The following ALPK2 variants were observed in gnomAD, a reference collection of about 807,000 sequenced individuals.
ALPK2 encodes the protein alpha kinase 2, also known as alpha-protein kinase 2.
In ALPK2, 127 loss-of-function variants were observed where a neutral mutation model predicts 163.1. The ratio of observed to expected loss-of-function variants is 0.78; its 90% CI spans 0.67 to 0.90. The LOEUF (loss-of-function observed/expected upper bound fraction) is 0.90. ALPK2 is among the 40% of genes least tolerant of loss of function. The pLI, the probability that ALPK2 is intolerant of heterozygous loss-of-function variation, is 0.00. For missense variants in ALPK2, 2,360 were observed against 2,589.6 expected, an observed-to-expected ratio of 0.91 and a Z score of 1.92; for synonymous variants, 953 against 959.1, an observed-to-expected ratio of 0.99 and a Z score of 0.12.
Position 58,496,493 on chromosome 18 carries a change from G to A in ALPK2, c.6296+1556C>T, listed in dbSNP as rs531781182. Among the ~76,000 whole-genome samples the A allele has an allele frequency of 3.9e-5, 6 of 152,332 alleles. No individual in the cohort carries two copies. In the South Asian group the frequency reaches 6.2e-4, roughly 16 times the overall value. The stretch of plus-strand genomic sequence containing the variant: ...CAACTGGAAGCTTTGTGCAATCGGC[G>A]AGAACTTCATGAATCAGACTTACTG... On this transcript the variant is annotated intron_variant, in intron 12 of 12. Coordinates refer to ENST00000361673, the MANE Select transcript of ALPK2 (RefSeq NM_052947.4).
chr18:58,591,398 G>A lies in ALPK2; in HGVS notation c.228-10850C>T, dbSNP rs2052014221. 2.6e-5 allele frequency among the ~76,000 whole-genome samples: 4 copies of A among 152,312 alleles called. 1 individual carries two copies. In the South Asian group the frequency reaches 8.3e-4, roughly 32 times the overall value. On this transcript the variant is annotated intron_variant, in intron 3 of 12. Transcript: ENST00000361673. The stretch of plus-strand genomic sequence containing the variant: ...GCCACTATGTGGATGATAAAGATGT[G>A]AAATTCCTAGGCTCTTTTCTCAGGA...
intron 4 of ALPK2, among the ~76,000 whole-genome samples, chr18:58,568,135 C>G (rs576159897): frequency 2.0e-4 from 31 of 152,258 alleles, no homozygotes; most frequent in African/African-American, 7.5e-4. Context: ...TCCTAAGTGA[C>G]CTCTTGGGGA....
At chr18:58,574,438 CAAAAAAAAAAAAA>C (rs34107333) in intron 4 of ALPK2, among the ~76,000 whole-genome samples, 2 of 49,406 alleles carry the variant, frequency 4.0e-5, no homozygotes, top group Non-Finnish European at 7.9e-5. Context: ...GACTCCATCT[CAAAAAAAAAAAAA>C]AAAAAAAAAG....
chr18:58,569,626 G>A (rs915380153), intron 4 of ALPK2, among the ~76,000 whole-genome samples: 31 of 152,164 alleles, frequency 2.0e-4, no homozygotes, highest in African/African-American at 7.5e-4. Context: ...ACTCTTTATT[G>A]ATTATTTAAC....
intron 1 of ALPK2, among the ~76,000 whole-genome samples, chr18:58,623,295 C>T (rs1568104220): frequency 1.3e-5 from 2 of 152,186 alleles, no homozygotes; most frequent in East Asian, 3.9e-4. Flanking sequence ...TGTTCTCATA[C>T]TCCTGGGCTC....
Position 58,523,820 on chromosome 18 carries a change from C to T in ALPK2, c.5651G>A (p.Arg1884His), listed in dbSNP as rs371591011. The T allele has an allele frequency of 2.9e-5, 47 of 1,613,988 alleles. No homozygotes were observed. Among genetic ancestry groups the T allele is most frequent in the Middle Eastern group, 1.6e-4 (1 of 6,082 alleles). The stretch of plus-strand genomic sequence containing the variant: ...AACTGACTTACCTTTAGTATCCTGG[C>T]GACTTGACAGCTGTTTGAGAACTAG... ...TAEVLKQLSS[R>H]QDTKGCEEIE... The change falls in exon 8 of 13, where the codon CGC (arginine) becomes CAC (histidine). Residue 1884 changes from arginine to histidine, a missense_variant. Coordinates refer to ENST00000361673, the MANE Select transcript of ALPK2 (RefSeq NM_052947.4).
At chr18:58,531,129 A>G (rs2051611673) in intron 5 of ALPK2, among the ~76,000 whole-genome samples, 1 of 152,166 alleles carries the variant, frequency 6.6e-6, no homozygotes, top group African/African-American at 2.4e-5. Context: ...CAGGAGTTCA[A>G]GGCTGCGGTG....
chr18:58,510,511 CTA>C (rs773662107), intron 10 of ALPK2, among the ~76,000 whole-genome samples: 74 of 152,288 alleles, frequency 4.9e-4, no homozygotes, highest in Non-Finnish European at 7.9e-4. Context: ...TTCTTCCTAC[CTA>C]TGAGCATGGA....
chr18:58,624,894 T>G (rs866104608), intron 1 of ALPK2, among the ~76,000 whole-genome samples: 2 of 152,246 alleles, frequency 1.3e-5, no homozygotes, highest in Admixed American at 6.5e-5. Flanking sequence ...ACAGAAGTAA[T>G]GGATTGAAGA....
chr18:58,613,616 C>G (rs970599771), intron 1 of ALPK2, among the ~76,000 whole-genome samples: 1 of 150,990 alleles, frequency 6.6e-6, no homozygotes, highest in African/African-American at 2.4e-5. Flanking sequence ...TTGCTTGAAC[C>G]GGGACCTGGG....
intron 4 of ALPK2, among the ~76,000 whole-genome samples, chr18:58,542,087 G>A (rs982820108): frequency 2.0e-5 from 3 of 152,228 alleles, no homozygotes; most frequent in Non-Finnish European, 2.9e-5. Flanking sequence ...GAAAAAAGGA[G>A]TGTTTGGGGC....
rs2051951491 is a variant in ALPK2, at chr18:58,580,325, C to T, written c.451G>A (p.Glu151Lys). 6.2e-7 allele frequency: 1 copy of T among 1,614,106 alleles called. No individual in the cohort carries two copies. The highest frequency in any genetic ancestry group is 8.5e-7 in the Non-Finnish European group (1 of 1,180,002). ...CTGGGAGTGCCCGGGGAGATGCTTT[C>T]TTCTTCCTTATAAGGATGTTCCTTC... ...DEKEHPYKEE[E>K]SISPGTPRSA... Residue 151 changes from glutamate (E) to lysine (K), a missense_variant, in exon 4 of 13, where the codon GAA becomes AAA. Physicochemically the swap from Glu to Lys is moderately conservative, Grantham distance 56 (BLOSUM62 1). Coordinates refer to ENST00000361673, the MANE Select transcript of ALPK2 (RefSeq NM_052947.4).
chr18:58,536,654 C>T lies in ALPK2; in HGVS notation c.3533G>A (p.Ser1178Asn), dbSNP rs547486522. 1.6e-5 allele frequency: 26 copies of T among 1,614,188 alleles called. No individual in the cohort carries two copies. The South Asian group carries it at 2.5e-4, about 16-fold the overall frequency. Residue 1178 changes from serine (S) to asparagine (N), a missense_variant, in exon 5 of 13, where the codon AGC (serine) becomes AAC (asparagine). Coordinates refer to ENST00000361673, the MANE Select transcript of ALPK2 (RefSeq NM_052947.4). Reference sequence around the variant, plus strand: ...GCGCTGCCCTGCTCCTTCCCTAGAGCTTGCGGGTGAGTGGGCCGTGGGCAC... The same window carrying T: ...GCGCTGCCCTGCTCCTTCCCTAGAGTTTGCGGGTGAGTGGGCCGTGGGCAC... ...NLVPTAHSPA[S>N]SREGAGQRSG...
chr18:58,484,981 G>A (rs918483373), intron 12 of ALPK2, among the ~76,000 whole-genome samples: 7 of 152,196 alleles, frequency 4.6e-5, no homozygotes, highest in Non-Finnish European at 8.8e-5. Context: ...GGTAGGGGCA[G>A]AGGGTGCCTG....
At chr18:58,505,459 G>A (rs112156482) in intron 10 of ALPK2, among the ~76,000 whole-genome samples, 2,316 of 152,024 alleles carry the variant, frequency 0.015, 24 homozygotes, top group Non-Finnish European at 0.025. Context: ...TTCCTACTAC[G>A]ATGAGCCATC....
intron 12 of ALPK2, among the ~76,000 whole-genome samples, chr18:58,492,020 G>A (rs772902165): frequency 2.0e-5 from 3 of 152,218 alleles, no homozygotes; most frequent in Non-Finnish European, 2.9e-5. Context: ...AGGGCCTTCC[G>A]TATTGACAAA....
Position 58,522,995 on chromosome 18 carries a change from G to A in ALPK2, c.5665+811C>T, listed in dbSNP as rs532810223. On this transcript the variant is annotated intron_variant, in intron 8 of 12. Transcript: ENST00000361673. ...AGTTACATATGTATACATGTGCCAT[G>A]CTGGTGTGCTGCACCCATTAACTCG... is the stretch of plus-strand genomic sequence containing the variant. 2.0e-5 allele frequency among the ~76,000 whole-genome samples: 3 copies of A among 148,584 alleles called. No homozygotes were observed. In the South Asian group the frequency reaches 6.4e-4, roughly 32 times the overall value.
rs567323590 is a variant in ALPK2, at chr18:58,490,431, T to C, written c.6296+7618A>G. ...AGGTGGTGCAGGTCAGATCTTGTCA[T>C]GGCCAAGCAACTGCTTGGATGGCCC... On this transcript the variant is annotated intron_variant, in intron 12 of 12. Transcript: ENST00000361673. 2.0e-3 allele frequency among the ~76,000 whole-genome samples: 300 copies of C among 152,288 alleles called. 1 individual carries two copies. Among genetic ancestry groups the C allele is most frequent in the African/African-American group, 7.1e-3 (296 of 41,566 alleles).
chr18:58,563,994 G>A (rs539813913), intron 4 of ALPK2, among the ~76,000 whole-genome samples: 2 of 152,176 alleles, frequency 1.3e-5, no homozygotes, highest in African/African-American at 4.8e-5. Context: ...AGTCTTATTA[G>A]CATGAAGTAT....
Sources: allele counts gnomAD v4.1 joint callset (sites outside exome capture counted in the v4.1 genomes callset), GRCh38; gene constraint gnomAD v4.1.1; transcripts MANE v1.5; gene names NCBI Gene and HGNC (gene_info 2026-07-23, HGNC 2026-07-21).